GCSAML: variants seen among roughly 807,000 people sequenced by gnomAD.
The protein encoded by GCSAML is germinal center associated signaling and motility like, also known as germinal center-associated signaling and motility-like protein.
GCSAML carries 9 observed loss-of-function variants against 13.0 expected under a neutral mutation model. The ratio of observed to expected loss-of-function variants is 0.69; its 90% CI spans 0.42 to 1.21. The LOEUF (loss-of-function observed/expected upper bound fraction) is 1.21. Ranked by LOEUF, GCSAML falls within the 50% of genes most tolerant of loss-of-function variation. The pLI, the probability that GCSAML is intolerant of heterozygous loss-of-function variation, is 0.00. For synonymous variants in GCSAML, 37 were observed against 52.9 expected (o/e 0.70, Z 1.31); for missense variants, 143 against 153.4 (o/e 0.93, Z 0.36).
At chr1:247,512,594 G>T (rs2103298143) in intron 1 of GCSAML, among the ~76,000 whole-genome samples, 1 of 152,100 alleles carries the variant, frequency 6.6e-6, no homozygotes, top group Admixed American at 6.5e-5. Flanking sequence ...GAGGCGTTCT[G>T]GTTTTTGGAA....
intron 1 of GCSAML, among the ~76,000 whole-genome samples, chr1:247,517,175 G>A (rs1214438501): frequency 6.6e-6 from 1 of 152,220 alleles, no homozygotes; most frequent in Admixed American, 6.5e-5. Context: ...GATAATGTCA[G>A]ACTAATCATT....
intron 2 of GCSAML, among the ~76,000 whole-genome samples, chr1:247,561,762 A>C (rs1421775689): frequency 6.6e-6 from 1 of 152,044 alleles, no homozygotes; most frequent in Non-Finnish European, 1.5e-5. Context: ...TGTGCTTAGT[A>C]CTCTGAATGA....
chr1:247,535,515 A>C (rs1221169687), intron 2 of GCSAML, among the ~76,000 whole-genome samples: 1 of 152,232 alleles, frequency 6.6e-6, no homozygotes, highest in Non-Finnish European at 1.5e-5. Flanking sequence ...TAAACTGACA[A>C]CTGCATTATG....
At position 247,556,573 on chromosome 1, in the gene GCSAML, G is replaced by A. The variant is rs78872366; in HGVS notation, c.89+107G>A. The A allele has an allele frequency of 1.7e-3, 1,174 of 703,566 alleles. 9 individuals carry two copies. The African/African-American group carries it at 0.019, about 11-fold the overall frequency. 43.6% of individuals were successfully genotyped at this position (703,566 alleles called of 1,614,324 possible). On this transcript the variant is annotated intron_variant, in intron 2 of 4. Transcript: ENST00000366488. ...ACTAGAACTAACACCCCTTAGGGCC[G>A]CTATAATAGAGTTCTTTGGTGATTA...
intron 1 of GCSAML, 88 bp from the exon 2 acceptor site, chr1:247,556,319 T>C (rs1667943280): frequency 1.1e-6 from 1 of 933,242 alleles, no homozygotes; most frequent in Admixed American, 2.2e-5. Flanking sequence ...TCAGGTTTGG[T>C]TTTAATGGTC....
Position 247,549,199 on chromosome 1 carries a change from A to G in GCSAML, c.8A>G (p.Asn3Ser), listed in dbSNP as rs1667683697. 1 of 1,614,132 alleles carries G rather than the reference A, an allele frequency of 6.2e-7. No individual in the cohort carries two copies. Among genetic ancestry groups the G allele is most frequent in the Admixed American group, 1.7e-5 (1 of 60,020 alleles). Reference sequence around the variant, plus strand: ...CCGAGTCACTGTGAAAAGATGGGAAATTATCTCCTGCGAAAACTCAGGTGA... The same window carrying G: ...CCGAGTCACTGTGAAAAGATGGGAAGTTATCTCCTGCGAAAACTCAGGTGA... MG[N>S]YLLRKLSCLG... The change falls in exon 1 of 5, where the codon AAT (asparagine) becomes AGT (serine). Residue 3 changes from asparagine (N) to serine (S), a missense_variant. Asn to Ser is a conservative substitution (Grantham distance 46). Transcript: ENST00000366488.
intron 2 of GCSAML, among the ~76,000 whole-genome samples, chr1:247,559,553 C>T (rs533514736): frequency 1.3e-5 from 2 of 152,256 alleles, no homozygotes; most frequent in South Asian, 2.1e-4. Context: ...AGCTTCCTCT[C>T]GGATAGGGAG....
rs1668812203 is a variant in GCSAML at position 247,575,762 on chromosome 1, G to A, written c.*1380G>A. 6.6e-6 allele frequency: 1 copy of A among 152,296 alleles called. No individual in the cohort carries two copies. Among genetic ancestry groups the A allele is most frequent in the Admixed American group, 6.5e-5 (1 of 15,298 alleles). 9.4% of individuals were successfully genotyped at this position (152,296 alleles called of 1,614,324 possible). A position where few individuals can be genotyped will look rare whatever the true frequency, so the allele number is the denominator to read the frequency against. ...CTTATATTTTGTTTGCAACACACTAGTTAATTTAACCTGTGACTAGTTATC... is the reference window on the plus strand; with the variant it reads ...CTTATATTTTGTTTGCAACACACTAATTAATTTAACCTGTGACTAGTTATC... On this transcript the variant is annotated 3_prime_UTR_variant, in exon 5 of 5. Coordinates refer to ENST00000366488, the MANE Select transcript of GCSAML (RefSeq NM_145278.5).
At chr1:247,541,897 C>CTACTCAGGAGGCTGAGGAGGGAG (rs1304320124) in intron 2 of GCSAML, among the ~76,000 whole-genome samples, 1 of 151,776 alleles carries the variant, frequency 6.6e-6, no homozygotes, top group Non-Finnish European at 1.5e-5. Flanking sequence ...GTAGTCCCAG[C>CTACTCAGGAGGCTGAGGAGGGAG]TACTCAGGAG....
intron 2 of GCSAML, among the ~76,000 whole-genome samples, chr1:247,537,828 C>G (rs1425527625): frequency 2.0e-5 from 3 of 152,122 alleles, no homozygotes; most frequent in Admixed American, 6.5e-5. Flanking sequence ...AAGTCTTTTG[C>G]CTATTTTTTG....
At chr1:247,531,816 T>A in intron 2 of GCSAML, 1 of 1,614,146 alleles carries the variant, frequency 6.2e-7, no homozygotes, top group Non-Finnish European at 8.5e-7. Context: ...TCCGCCCTTC[T>A]GCTGACCTGA....
At chr1:247,542,046 T>G in intron 2 of GCSAML, among the ~76,000 whole-genome samples, 1 of 150,366 alleles carries the variant, frequency 6.7e-6, no homozygotes, top group South Asian at 2.1e-4. Flanking sequence ...AAAGAAAAGA[T>G]GAATAGACAA....
chr1:247,548,970 GCA>G, upstream of GCSAML: 3 of 1,165,518 alleles, frequency 2.6e-6, no homozygotes, highest in Admixed American at 2.3e-5. The surrounding 1 kb of genome is among the most constrained non-coding windows in gnomAD (Gnocchi z 5.3). Flanking sequence ...GTGCGTGCAG[GCA>G]CACACACGCA....
chr1:247,559,703 C>A (rs577727651), intron 2 of GCSAML, among the ~76,000 whole-genome samples: 1 of 152,144 alleles, frequency 6.6e-6, no homozygotes, highest in Admixed American at 6.5e-5. Context: ...CTCACAATTG[C>A]GGAGACTGGA....
chr1:247,523,996 T>TCACACA (rs1666550738), intron 1 of GCSAML, among the ~76,000 whole-genome samples: 1 of 52,526 alleles, frequency 1.9e-5, no homozygotes, highest in African/African-American at 5.8e-5. Flanking sequence ...AACATCTGTC[T>TCACACA]TACACACACA....
At chr1:247,553,484 A>T (rs1342782777) in intron 1 of GCSAML, among the ~76,000 whole-genome samples, 1 of 152,072 alleles carries the variant, frequency 6.6e-6, no homozygotes, top group African/African-American at 2.4e-5. Flanking sequence ...GATCATAATA[A>T]TTTTTTTCTA....
chr1:247,514,385 A>T (rs1666144684), intron 1 of GCSAML, among the ~76,000 whole-genome samples: 2 of 151,844 alleles, frequency 1.3e-5, no homozygotes, highest in Admixed American at 1.3e-4. Flanking sequence ...CCTTTTTTGG[A>T]TGTATAGATT....
At position 247,526,391 on chromosome 1, in the gene GCSAML, G is replaced by A. The variant is rs1666684080; in HGVS notation, c.-262-549G>A. On this transcript the variant is annotated intron_variant, in intron 1 of 5. Transcript: ENST00000366489. This position sits in a 1 kb window ranked among gnomAD's most constrained non-coding sequence, Gnocchi z 4.8. ...TTACCTTAGTCTGGGTGTTTCCAAG[G>A]CAGAAGCTGTGTCCAGTGCACATGT... The A allele has an allele frequency of 6.6e-6, 1 of 152,452 alleles. No individual in the cohort carries two copies. The highest frequency in any genetic ancestry group is 1.5e-5 in the Non-Finnish European group (1 of 68,256). 9.4% of individuals were successfully genotyped at this position (152,452 alleles called of 1,614,324 possible).
intron 4 of GCSAML, among the ~76,000 whole-genome samples, chr1:247,572,019 A>G (rs1668635253): frequency 6.6e-6 from 1 of 152,018 alleles, no homozygotes; most frequent in African/African-American, 2.4e-5. Context: ...TGTATGCTTC[A>G]CGAAGTTTTC....
Sources: gnomAD v4.1 joint callset for allele counts (sites outside exome capture counted in the v4.1 genomes callset) on GRCh38, gnomAD v4.1.1 for gene constraint, Gnocchi (gnomAD v3.1) non-coding constraint, MANE v1.5 for transcripts, NCBI Gene and HGNC (gene_info 2026-07-23, HGNC 2026-07-21) for gene names.